Variants in ACYP2 observed in about 807,000 individuals in gnomAD.
ACYP2 encodes the protein acylphosphatase 2, also known as acylphosphatase-2.
Under a neutral mutation model 11.2 loss-of-function variants are expected in ACYP2, and 12 were observed. That is an observed-to-expected ratio of 1.08 (90% CI 0.69 to 1.74). The LOEUF (loss-of-function observed/expected upper bound fraction) is 1.74, where lower values mean the gene tolerates loss of function less well. ACYP2 is among the 40% of genes most tolerant of loss of function. The pLI, the probability that ACYP2 is intolerant of heterozygous loss-of-function variation, is 0.00. For synonymous variants in ACYP2, 43 were observed against 32.2 expected, an observed-to-expected ratio of 1.33 and a Z score of -1.13; for missense variants, 134 against 101.9, an observed-to-expected ratio of 1.31 and a Z score of -1.35.
In ACYP2 at chr2:54,051,018, C is replaced by T; in HGVS notation, c.123C>T (p.Ser41=). Residue 41 remains serine (S), a synonymous_variant, in exon 3 of 7, where the codon TCC becomes TCT. Transcript: ENST00000607452. ...GAACTCCTAATGTCAAGCTATCCTC[C>T]TGCCTCGGCCTCCCATGCTGTTGGG... 2.2e-6 allele frequency: 1 copy of T among 459,106 alleles called. No individual in the cohort carries two copies. Among genetic ancestry groups the T allele is most frequent in the Non-Finnish European group, 3.8e-6 (1 of 262,702 alleles). The allele number at this position is 459,106 out of a possible 1,614,324, so 28.4% of individuals were successfully genotyped here. A position where few individuals can be genotyped will look rare whatever the true frequency, so the allele number is the denominator to read the frequency against.
chr2:54,303,417 G>A (rs949002652), intron 6 of ACYP2, among the ~76,000 whole-genome samples: 4 of 152,088 alleles, frequency 2.6e-5, no homozygotes, highest in African/African-American at 9.7e-5. Flanking sequence ...TATTATTTGT[G>A]GCGTCAGTTT....
intron 4 of ACYP2, among the ~76,000 whole-genome samples, chr2:54,081,626 G>A (rs76260818): frequency 0.018 from 2,729 of 152,342 alleles, 34 homozygotes; most frequent in Middle Eastern, 0.061. Flanking sequence ...AAATTGCCTA[G>A]TGACACATTT....
chr2:54,076,661 A>T (rs1677358643), intron 4 of ACYP2, among the ~76,000 whole-genome samples: 1 of 152,204 alleles, frequency 6.6e-6, no homozygotes, highest in Non-Finnish European at 1.5e-5. Flanking sequence ...GAAAGGCCAG[A>T]GTGTTTTGGA....
chr2:53,979,018 A>G (rs2104508515), intron 2 of ACYP2, among the ~76,000 whole-genome samples: 1 of 152,308 alleles, frequency 6.6e-6, no homozygotes, highest in South Asian at 2.1e-4. Context: ...TTGCTATACT[A>G]TACCTTGTAT....
intron 2 of ACYP2, among the ~76,000 whole-genome samples, chr2:54,018,259 A>G (rs1673805388): frequency 1.3e-5 from 2 of 152,168 alleles, no homozygotes; most frequent in Admixed American, 1.3e-4. Context: ...AGGAGGTCTG[A>G]AGTGGGTGAG....
chr2:54,259,813 G>C (rs1179192264), intron 6 of ACYP2, among the ~76,000 whole-genome samples: 1 of 152,196 alleles, frequency 6.6e-6, no homozygotes, highest in Non-Finnish European at 1.5e-5. Context: ...ATAATAGCTT[G>C]GCTGGAATAA....
At chr2:54,096,252 C>A (rs1160628478) in intron 4 of ACYP2, among the ~76,000 whole-genome samples, 1 of 139,978 alleles carries the variant, frequency 7.1e-6, no homozygotes, top group African/African-American at 2.7e-5. Flanking sequence ...GGAGCAGAGG[C>A]GCTCCCCACA....
chr2:54,123,106 T>G (rs975743325), intron 4 of ACYP2: 3 of 354,262 alleles, frequency 8.5e-6, no homozygotes, highest in African/African-American at 4.2e-5. Context: ...ATGTTTCTCC[T>G]TCTAAATTTA....
intron 2 of ACYP2, among the ~76,000 whole-genome samples, chr2:54,049,087 C>G (rs963328678): frequency 6.6e-6 from 1 of 152,062 alleles, no homozygotes; most frequent in African/African-American, 2.4e-5. Flanking sequence ...GTGGTGAAAC[C>G]CTGTTTCTTC....
intron 6 of ACYP2, among the ~76,000 whole-genome samples, chr2:54,261,895 AAG>A (rs1314008497): frequency 6.6e-6 from 1 of 152,232 alleles, no homozygotes; most frequent in Admixed American, 6.5e-5. Context: ...GGTCAAAAAG[AAG>A]TTTTAAGTGA....
chr2:54,182,848 C>G (rs1019114898), intron 6 of ACYP2, among the ~76,000 whole-genome samples: 1 of 152,046 alleles, frequency 6.6e-6, no homozygotes, highest in African/African-American at 2.4e-5. Context: ...TGGGGCAGAT[C>G]CAGGTTTCAC....
At chr2:53,991,770 AT>A (rs1416556632) in intron 2 of ACYP2, among the ~76,000 whole-genome samples, 1 of 151,606 alleles carries the variant, frequency 6.6e-6, no homozygotes, top group Non-Finnish European at 1.5e-5. Flanking sequence ...CCTTCTCTCA[AT>A]TTTTTTTAAG....
intron 4 of ACYP2, among the ~76,000 whole-genome samples, chr2:54,070,732 A>ATT (rs11368576): frequency 3.0e-4 from 41 of 137,134 alleles, no homozygotes; most frequent in African/African-American, 9.2e-4. Flanking sequence ...AAGCTATTCC[A>ATT]TTTTTTTTTT....
intron 6 of ACYP2, among the ~76,000 whole-genome samples, chr2:54,192,579 T>G (rs1465797141): frequency 6.6e-6 from 1 of 152,172 alleles, no homozygotes; most frequent in Non-Finnish European, 1.5e-5. Flanking sequence ...CAAAAAACTT[T>G]GATGCCACTT....
intron 6 of ACYP2, among the ~76,000 whole-genome samples, chr2:54,161,475 T>G (rs1170955190): frequency 6.6e-6 from 1 of 152,212 alleles, no homozygotes; most frequent in African/African-American, 2.4e-5. Flanking sequence ...AGGTAAGAAC[T>G]GGGTCCTTGA....
chr2:54,076,514 C>A (rs1005673687), intron 4 of ACYP2, among the ~76,000 whole-genome samples: 7 of 151,940 alleles, frequency 4.6e-5, no homozygotes, highest in African/African-American at 1.7e-4. Context: ...TCTACCCAGA[C>A]AATAATGTAC....
intron 4 of ACYP2, among the ~76,000 whole-genome samples, chr2:54,070,416 C>A (rs1225820292): frequency 6.6e-6 from 1 of 152,102 alleles, no homozygotes; most frequent in East Asian, 1.9e-4. Context: ...ACATTGAAGT[C>A]AAATGCTGGT....
intron 4 of ACYP2, among the ~76,000 whole-genome samples, chr2:54,119,909 C>T (rs113470216): frequency 4.6e-5 from 7 of 152,118 alleles, no homozygotes; most frequent in South Asian, 2.1e-4. Context: ...TTGTCGATGA[C>T]GTTGGCAGTT....
chr2:54,089,432 A>G (rs771633123), intron 4 of ACYP2, among the ~76,000 whole-genome samples: 1 of 151,948 alleles, frequency 6.6e-6, no homozygotes, highest in Non-Finnish European at 1.5e-5. Context: ...TATTAAGTTT[A>G]TTACTATTTT....
Sources: gnomAD v4.1 joint callset for allele counts (sites outside exome capture counted in the v4.1 genomes callset) on GRCh38, gnomAD v4.1.1 for gene constraint, MANE v1.5 for transcripts, NCBI Gene and HGNC (gene_info 2026-07-23, HGNC 2026-07-21) for gene names.